The following NCKAP5 variants were observed in gnomAD, a reference collection of about 807,000 sequenced individuals.
NCKAP5 encodes the protein NCK associated protein 5, also known as nck-associated protein 5.
In NCKAP5, 92 loss-of-function variants were observed where a neutral mutation model predicts 167.0. The observed-to-expected ratio is 0.55, with a 90% CI of 0.47 to 0.66. The LOEUF (loss-of-function observed/expected upper bound fraction) is 0.66, where lower values mean the gene tolerates loss of function less well. NCKAP5 is among the 30% of genes least tolerant of loss of function. NCKAP5 has a pLI of 0.00. For missense variants in NCKAP5, 2,378 were observed against 2,315.0 expected (o/e 1.03, Z -0.56); for synonymous variants, 891 against 877.4 (o/e 1.02, Z -0.27).
At chr2:133,217,602 A>C (rs2086486741) in intron 4 of NCKAP5, among the ~76,000 whole-genome samples, 1 of 152,088 alleles carries the variant, frequency 6.6e-6, no homozygotes, top group Admixed American at 6.5e-5. Flanking sequence ...GCAGGTGGTC[A>C]GTTGTGGCGT....
intron 6 of NCKAP5, among the ~76,000 whole-genome samples, chr2:133,091,760 G>A (rs1169950780): frequency 6.6e-6 from 1 of 152,092 alleles, no homozygotes; most frequent in Non-Finnish European, 1.5e-5. Context: ...GGTGGTGGGT[G>A]CCTGTAGTCC....
At chr2:132,763,287 C>A (rs1414875728) in intron 16 of NCKAP5, among the ~76,000 whole-genome samples, 1 of 152,174 alleles carries the variant, frequency 6.6e-6, no homozygotes, top group Non-Finnish European at 1.5e-5. Flanking sequence ...TCCCATCCTA[C>A]AAATCCAACT....
At chr2:132,763,861 T>C (rs556119518) in intron 16 of NCKAP5, among the ~76,000 whole-genome samples, 1 of 152,312 alleles carries the variant, frequency 6.6e-6, no homozygotes, top group South Asian at 2.1e-4. Flanking sequence ...AGATACTATG[T>C]CTTATTCCTC....
intron 16 of NCKAP5, among the ~76,000 whole-genome samples, chr2:132,770,037 A>T (rs1323582515): frequency 6.6e-6 from 1 of 152,214 alleles, no homozygotes; most frequent in African/African-American, 2.4e-5. Flanking sequence ...GTTCTACCAC[A>T]AAACAACCTT....
intron 6 of NCKAP5, among the ~76,000 whole-genome samples, chr2:133,113,015 T>G (rs1394895915): frequency 1.3e-5 from 2 of 152,212 alleles, no homozygotes; most frequent in Non-Finnish European, 2.9e-5. Context: ...TGCTGAATTC[T>G]GCTTCCAGCT....
intron 3 of NCKAP5, among the ~76,000 whole-genome samples, chr2:133,403,037 T>C (rs1384998994): frequency 6.6e-6 from 1 of 152,222 alleles, no homozygotes; most frequent in African/African-American, 2.4e-5. Flanking sequence ...TGAAGAAAGA[T>C]TCCCAAGCTC....
intron 19 of NCKAP5, among the ~76,000 whole-genome samples, chr2:132,713,828 C>A (rs1310285726): frequency 6.6e-6 from 1 of 152,146 alleles, no homozygotes; most frequent in Non-Finnish European, 1.5e-5. Context: ...CTGGGGAAAG[C>A]TGGAAACCAA....
At chr2:132,855,267 A>AT (rs1689376914) in intron 11 of NCKAP5, among the ~76,000 whole-genome samples, 1 of 152,158 alleles carries the variant, frequency 6.6e-6, no homozygotes. Context: ...CACATTCTCC[A>AT]TATGTTTTCA....
At position 132,728,804 on chromosome 2, in the gene NCKAP5, C is replaced by T; in HGVS notation, c.5580+12G>A. On this transcript the variant is annotated intron_variant, in intron 18 of 19. Transcript: ENST00000409261. ...AGGTGGATTGCACCCTTCACCTCCC[C>T]CGACCCCTCACCTGGGTCCCGGTGG... 6.2e-7 allele frequency: 1 copy of T among 1,613,468 alleles called. No individual in the cohort carries two copies. Among genetic ancestry groups the T allele is most frequent in the South Asian group, 1.1e-5 (1 of 91,044 alleles).
chr2:133,448,098 C>T (rs1043082717), intron 3 of NCKAP5, among the ~76,000 whole-genome samples: 11 of 152,140 alleles, frequency 7.2e-5, no homozygotes, highest in African/African-American at 2.7e-4. Flanking sequence ...TGTCCTAAGT[C>T]CATCCACTTA....
At chr2:132,818,123 T>G (rs960834831) in intron 11 of NCKAP5, among the ~76,000 whole-genome samples, 5 of 152,130 alleles carry the variant, frequency 3.3e-5, no homozygotes, top group Non-Finnish European at 7.4e-5. Flanking sequence ...AATTTTTGTG[T>G]TTTTTGTAGA....
At chr2:133,188,566 G>T (rs4954041) in intron 5 of NCKAP5, among the ~76,000 whole-genome samples, 59,406 of 151,812 alleles carry the variant, frequency 0.39, 12,473 homozygotes, top group East Asian at 0.68. Flanking sequence ...TAACAGAAAA[G>T]AAATTATAAC....
intron 2 of NCKAP5, among the ~76,000 whole-genome samples, chr2:133,551,057 AAGG>A (rs1687250181): frequency 6.6e-6 from 1 of 151,090 alleles, no homozygotes; most frequent in Non-Finnish European, 1.5e-5. Context: ...GGACCTCTTC[AAGG>A]AGAACTACAA....
At chr2:132,789,256 A>G (rs1683851746) in intron 13 of NCKAP5, among the ~76,000 whole-genome samples, 1 of 152,180 alleles carries the variant, frequency 6.6e-6, no homozygotes, top group Admixed American at 6.5e-5. Context: ...ATCCCTGACC[A>G]TCTGTCCAGT....
intron 8 of NCKAP5, among the ~76,000 whole-genome samples, chr2:132,893,931 C>A (rs546898782): frequency 1.1e-4 from 17 of 152,254 alleles, no homozygotes; most frequent in Middle Eastern, 3.4e-3. Context: ...AGTAACAGAG[C>A]CCTAGGAGAG....
chr2:133,674,563 G>A, the NCKAP5 span, among the ~76,000 whole-genome samples: 8 of 152,042 alleles, frequency 5.3e-5, no homozygotes, highest in East Asian at 5.8e-4. Flanking sequence ...AACTCTGCAC[G>A]CTGCAAATCA....
chr2:133,225,576 C>T (rs1165190619), intron 4 of NCKAP5, among the ~76,000 whole-genome samples: 1 of 152,108 alleles, frequency 6.6e-6, no homozygotes, highest in East Asian at 1.9e-4. Flanking sequence ...ATGATTTACA[C>T]ACACGAGGGT....
intron 8 of NCKAP5, among the ~76,000 whole-genome samples, chr2:132,953,427 C>A (rs752438447): frequency 7.2e-5 from 11 of 152,116 alleles, no homozygotes; most frequent in Non-Finnish European, 1.5e-4. Context: ...CTTGTACACA[C>A]CTTACATTTT....
At chr2:133,193,233 C>T (rs754369466) in intron 5 of NCKAP5, among the ~76,000 whole-genome samples, 2 of 151,864 alleles carry the variant, frequency 1.3e-5, no homozygotes, top group Non-Finnish European at 2.9e-5. Flanking sequence ...TTAATGGGTG[C>T]CAGAGTTATA....
Sources: gnomAD v4.1 joint callset for allele counts (sites outside exome capture counted in the v4.1 genomes callset) on GRCh38, gnomAD v4.1.1 for gene constraint, MANE v1.5 for transcripts, NCBI Gene and HGNC (gene_info 2026-07-23, HGNC 2026-07-21) for gene names.